Variants in USP34 observed in about 807,000 individuals in gnomAD.
USP34 encodes the protein ubiquitin specific peptidase 34.
Under a neutral mutation model 460.3 loss-of-function variants are expected in USP34, and 70 were observed. That is an observed-to-expected ratio of 0.15 (90% confidence interval 0.13 to 0.19). The LOEUF (loss-of-function observed/expected upper bound fraction) is 0.19. Among genes scored for constraint, USP34 ranks in the 10% least tolerant of loss-of-function variants. The probability of loss-of-function intolerance (pLI) is 1.00; values close to 1 mark genes in which losing one functional copy is unlikely to be tolerated. For synonymous variants in USP34, 1,647 were observed against 1,405.3 expected (o/e 1.17, Z -3.85); for missense variants, 3,985 against 4,236.2 (o/e 0.94, Z 1.65).
chr2:61,220,735 T>C (rs1193602240), intron 66 of USP34, among the ~76,000 whole-genome samples: 1 of 152,250 alleles, frequency 6.6e-6, no homozygotes, highest in Non-Finnish European at 1.5e-5. Flanking sequence ...TAGGTCTTGC[T>C]AAATTTGGAA....
At chr2:61,417,024 C>T (rs1694217359) in intron 2 of USP34, 17 of 1,313,704 alleles carry the variant, frequency 1.3e-5, no homozygotes, top group Non-Finnish European at 1.7e-5. Flanking sequence ...CCCACTTCTT[C>T]CAGATGTGGA....
At chr2:61,424,081 T>A (rs560621841) in intron 1 of USP34, among the ~76,000 whole-genome samples, 2 of 152,212 alleles carry the variant, frequency 1.3e-5, no homozygotes, top group Non-Finnish European at 2.9e-5. Context: ...TGACAGTTCC[T>A]TGAAAAATCA....
intron 27 of USP34, among the ~76,000 whole-genome samples, chr2:61,304,260 T>A (rs1046713121): frequency 6.6e-6 from 1 of 152,190 alleles, no homozygotes; most frequent in Non-Finnish European, 1.5e-5. Flanking sequence ...TGATTGATAT[T>A]TGCAATATTA....
chr2:61,221,493 A>C lies in USP34; in HGVS notation c.7899+9T>G, dbSNP rs375312996. Reference sequence around the variant, plus strand: ...AATAAACATTGAAAACACCTGCTGCAAGACTTACCTCCCATATCCTCTGCA... The same window carrying C: ...AATAAACATTGAAAACACCTGCTGCCAGACTTACCTCCCATATCCTCTGCA... On this transcript the variant is annotated intron_variant, in intron 66 of 79. Coordinates refer to ENST00000398571, the MANE Select transcript of USP34 (RefSeq NM_014709.4). 8.6e-5 allele frequency: 139 copies of C among 1,608,516 alleles called. No individual in the cohort carries two copies. Among genetic ancestry groups the C allele is most frequent in the Non-Finnish European group, 1.1e-4 (133 of 1,177,834 alleles).
At chr2:61,329,390 A>T (rs1283730059) in intron 20 of USP34, among the ~76,000 whole-genome samples, 1 of 152,150 alleles carries the variant, frequency 6.6e-6, no homozygotes, top group East Asian at 1.9e-4. Flanking sequence ...TTATCGTCAA[A>T]CTCTGCTTCA....
At chr2:61,374,007 T>G (rs1271771975) in intron 8 of USP34, among the ~76,000 whole-genome samples, 2 of 151,866 alleles carry the variant, frequency 1.3e-5, no homozygotes, top group African/African-American at 4.8e-5. Flanking sequence ...AATACAAAAA[T>G]TAGCCAGGCG....
chr2:61,352,847 A>G (rs1002508481), intron 10 of USP34, among the ~76,000 whole-genome samples: 1 of 151,734 alleles, frequency 6.6e-6, no homozygotes, highest in Non-Finnish European at 1.5e-5. Flanking sequence ...AAGAGGACAA[A>G]GACGATGAAA....
chr2:61,434,102 G>A (rs1284179472), intron 1 of USP34, among the ~76,000 whole-genome samples: 1 of 152,330 alleles, frequency 6.6e-6, no homozygotes, highest in East Asian at 1.9e-4. Context: ...CAAAGAGCAT[G>A]TGATACACCC....
intron 1 of USP34, among the ~76,000 whole-genome samples, chr2:61,459,398 A>T (rs1695533696): frequency 6.6e-6 from 1 of 152,216 alleles, no homozygotes; most frequent in South Asian, 2.1e-4. Context: ...GTGTATTATC[A>T]TCACTGTGTT....
chr2:61,323,990 G>A (rs1323991694), intron 21 of USP34, among the ~76,000 whole-genome samples: 1 of 152,030 alleles, frequency 6.6e-6, no homozygotes. Flanking sequence ...TAAATAACAA[G>A]ATAAACACAG....
intron 41 of USP34, among the ~76,000 whole-genome samples, chr2:61,272,636 A>T (rs755647344): frequency 2.0e-5 from 3 of 152,162 alleles, no homozygotes; most frequent in Non-Finnish European, 2.9e-5. Context: ...TTTTCCAACT[A>T]GCATACGAGT....
chr2:61,306,904 T>C (rs1690425403), intron 27 of USP34, among the ~76,000 whole-genome samples: 1 of 152,174 alleles, frequency 6.6e-6, no homozygotes, highest in Non-Finnish European at 1.5e-5. Flanking sequence ...GAAGACAGTG[T>C]GGCGATTCCT....
At chr2:61,325,562 T>C in intron 20 of USP34, 105 bp from the exon 21 acceptor site, 2 of 608,790 alleles carry the variant, frequency 3.3e-6, no homozygotes, top group Admixed American at 4.2e-5. Context: ...GTTTTAATAA[T>C]TCATAATTAT....
chr2:61,382,776 G>A (rs1017580236), intron 6 of USP34, among the ~76,000 whole-genome samples: 5 of 151,952 alleles, frequency 3.3e-5, no homozygotes, highest in South Asian at 2.1e-4. Flanking sequence ...GTCACCTCTC[G>A]TTCAATGAGA....
chr2:61,349,561 C>A (rs573181325), intron 12 of USP34, among the ~76,000 whole-genome samples: 6 of 152,096 alleles, frequency 3.9e-5, no homozygotes, highest in Non-Finnish European at 8.8e-5. Flanking sequence ...TACCCACTGG[C>A]CAGATGCAGT....
At chr2:61,390,421 G>A (rs746191445) in intron 5 of USP34, among the ~76,000 whole-genome samples, 5 of 152,342 alleles carry the variant, frequency 3.3e-5, no homozygotes, top group Non-Finnish European at 7.3e-5. Flanking sequence ...TGTGTTAAAT[G>A]TTAGTAAGCT....
chr2:61,280,071 C>G (rs1200733772), intron 39 of USP34, among the ~76,000 whole-genome samples, 173 bp downstream of exon 39: 2 of 151,850 alleles, frequency 1.3e-5, no homozygotes, highest in Non-Finnish European at 2.9e-5. Flanking sequence ...AGTAAAAACA[C>G]GAAAGGAATT....
chr2:61,278,116 A>C, intron 41 of USP34, 49 bp downstream of exon 41: 1 of 1,599,368 alleles, frequency 6.3e-7, no homozygotes, highest in Non-Finnish European at 8.5e-7. Context: ...GTAACAACAA[A>C]AAATTTCAAT....
Position 61,395,018 on chromosome 2 carries a change from A to C in USP34, c.604-16T>G. ...CTTCTACATCCTGGGAAAATAAAGA[A>C]AACATGTCATTATTTGAAAACGTAC... On this transcript the variant is annotated splice_polypyrimidine_tract_variant and intron_variant, in intron 4 of 79. Coordinates refer to ENST00000398571, the MANE Select transcript of USP34 (RefSeq NM_014709.4). 8 of 1,566,432 alleles carry C rather than the reference A, an allele frequency of 5.1e-6. No homozygotes were observed. The highest frequency in any genetic ancestry group is 6.9e-6 in the Non-Finnish European group (8 of 1,164,280).
Sources: allele counts gnomAD v4.1 joint callset (sites outside exome capture counted in the v4.1 genomes callset), GRCh38; gene constraint gnomAD v4.1.1; transcripts MANE v1.5; gene names NCBI Gene and HGNC (gene_info 2026-07-23, HGNC 2026-07-21).